Variants in HLCS observed in about 807,000 individuals in gnomAD.
The protein encoded by HLCS is holocarboxylase synthetase, also known as biotin--protein ligase.
HLCS carries 53 observed loss-of-function variants against 75.0 expected under a neutral mutation model. The observed-to-expected ratio is 0.71, with a 90% confidence interval of 0.57 to 0.89. The LOEUF (loss-of-function observed/expected upper bound fraction) is 0.89. HLCS is among the 40% of genes least tolerant of loss of function. The probability of loss-of-function intolerance (pLI) is 0.00; values close to 1 mark genes in which losing one functional copy is unlikely to be tolerated. For synonymous variants in HLCS, 431 were observed against 428.6 expected (o/e 1.01, Z -0.07); for missense variants, 966 against 1,074.0 (o/e 0.90, Z 1.41).
At chr21:36,781,446 T>C (rs1292308549) in intron 6 of HLCS, among the ~76,000 whole-genome samples, 6 of 152,212 alleles carry the variant, frequency 3.9e-5, no homozygotes, top group Admixed American at 2.0e-4. Context: ...CTTGTGTTGA[T>C]TGTGCATATT....
intron 6 of HLCS, among the ~76,000 whole-genome samples, chr21:36,885,742 G>A (rs193061917): frequency 3.4e-4 from 51 of 152,170 alleles, no homozygotes; most frequent in African/African-American, 1.1e-3. Flanking sequence ...CCTGAAGGAG[G>A]GCCCCACATC....
In HLCS at chr21:36,765,044, C is replaced by G; in HGVS notation, c.2089G>C (p.Val697Leu). Residue 697 changes from valine to leucine, a missense_variant, in exon 8 of 11, where the codon GTG (valine) becomes CTG (leucine). Transcript: ENST00000674895. ...TCGGGAATGGACCTCACTGCTTCCA[C>G]GACAGCCACGGACATCAGATGCTGG... ...FVQHLMSVAVVEAVRSIPEYQ... is the reference protein window; with the variant it reads ...FVQHLMSVAVLEAVRSIPEYQ... 6.2e-7 allele frequency: 1 copy of G among 1,614,236 alleles called. No homozygotes were observed. The highest frequency in any genetic ancestry group is 2.2e-5 in the East Asian group (1 of 44,884).
chr21:36,779,086 A>G (rs1601206899), intron 6 of HLCS, among the ~76,000 whole-genome samples: 1 of 152,070 alleles, frequency 6.6e-6, no homozygotes, highest in African/African-American at 2.4e-5. Flanking sequence ...CTTGGTATTC[A>G]TGGAGGATTT....
intron 6 of HLCS, among the ~76,000 whole-genome samples, chr21:36,817,506 T>C (rs1229435243): frequency 6.6e-6 from 1 of 152,138 alleles, no homozygotes; most frequent in Non-Finnish European, 1.5e-5. Context: ...TCTCCAACAC[T>C]CACCTATCCT....
At chr21:36,781,523 TTAAC>T (rs1389831140) in intron 6 of HLCS, among the ~76,000 whole-genome samples, 1 of 152,198 alleles carries the variant, frequency 6.6e-6, no homozygotes, top group Non-Finnish European at 1.5e-5. Flanking sequence ...ATAATTTCCT[TTAAC>T]TAGTTATTGC....
At chr21:36,922,640 A>C (rs1419839479) in intron 5 of HLCS, among the ~76,000 whole-genome samples, 1 of 152,148 alleles carries the variant, frequency 6.6e-6, no homozygotes, top group African/African-American at 2.4e-5. Flanking sequence ...TCCTGCTTTC[A>C]CGAGGAAGCC....
chr21:36,958,029 C>A (rs993034584), intron 2 of HLCS, among the ~76,000 whole-genome samples: 34 of 151,494 alleles, frequency 2.2e-4, no homozygotes, highest in Non-Finnish European at 4.7e-4. Flanking sequence ...AGATCGAAAC[C>A]ATCCTGGCTA....
At chr21:36,832,835 C>G (rs543576996) in intron 6 of HLCS, among the ~76,000 whole-genome samples, 7 of 152,352 alleles carry the variant, frequency 4.6e-5, no homozygotes, top group African/African-American at 1.7e-4. Context: ...CCTCCAAAGG[C>G]AGCCCTCATC....
chr21:36,867,408 A>T (rs955392568), intron 6 of HLCS, among the ~76,000 whole-genome samples: 8 of 152,242 alleles, frequency 5.3e-5, no homozygotes, highest in African/African-American at 1.9e-4. Context: ...CAGCAAACAC[A>T]GATCAAAATC....
chr21:36,817,058 G>T (rs140343501), intron 6 of HLCS, among the ~76,000 whole-genome samples: 110 of 152,292 alleles, frequency 7.2e-4, no homozygotes, highest in African/African-American at 2.5e-3. Flanking sequence ...GCTGCTGCAG[G>T]AACTTTTCAG....
intron 6 of HLCS, among the ~76,000 whole-genome samples, chr21:36,812,230 CTCTA>C (rs1309963626): frequency 4.6e-5 from 7 of 152,352 alleles, no homozygotes; most frequent in African/African-American, 1.7e-4. Flanking sequence ...AATCTTCTCT[CTCTA>C]TCCTTCTCAG....
At chr21:36,859,116 G>A (rs760490005) in intron 6 of HLCS, among the ~76,000 whole-genome samples, 8 of 152,066 alleles carry the variant, frequency 5.3e-5, no homozygotes, top group Non-Finnish European at 7.4e-5. Context: ...TCCACCTCCC[G>A]AGTTCAAGCG....
chr21:36,957,912 G>A (rs933893280), intron 2 of HLCS, among the ~76,000 whole-genome samples: 1 of 137,800 alleles, frequency 7.3e-6, no homozygotes, highest in African/African-American at 2.7e-5. Flanking sequence ...CTGGGCAACT[G>A]AGCAAGACTG....
intron 5 of HLCS, among the ~76,000 whole-genome samples, chr21:36,915,471 C>T (rs1283855565): frequency 2.0e-5 from 3 of 152,146 alleles, no homozygotes; most frequent in Admixed American, 6.5e-5. Flanking sequence ...CACTTGGGAA[C>T]ATTCAGAGAA....
chr21:36,779,316 C>G (rs1471376082), intron 6 of HLCS, among the ~76,000 whole-genome samples: 1 of 151,950 alleles, frequency 6.6e-6, no homozygotes, highest in Non-Finnish European at 1.5e-5. Flanking sequence ...TCCTTCCCTC[C>G]TTCCTTCTTT....
chr21:36,896,894 C>G lies in HLCS; in HGVS notation c.1858G>C (p.Glu620Gln), dbSNP rs766262873. 6.2e-7 allele frequency: 1 copy of G among 1,614,030 alleles called. No homozygotes were observed. The highest frequency in any genetic ancestry group is 1.7e-5 in the Admixed American group (1 of 60,000). The change falls in exon 6 of 11, where the codon GAA becomes CAA. Residue 620 changes from glutamate (E) to glutamine (Q), a missense_variant. Transcript: ENST00000674895. ...AGACGCATCGTTGTGGGGGTCACTT[C>G]GGCAAACAAAATTACTTTCCCCAAC... ...KQLGKVILFA[E>Q]VTPTTMRLLD...
chr21:36,757,274 T>C (rs1157091426), intron 9 of HLCS, among the ~76,000 whole-genome samples: 1 of 152,222 alleles, frequency 6.6e-6, no homozygotes, highest in Non-Finnish European at 1.5e-5. Flanking sequence ...CATCTTTTAA[T>C]ACTTTATTCT....
At chr21:36,873,043 T>C (rs1034877602) in intron 6 of HLCS, among the ~76,000 whole-genome samples, 1 of 152,226 alleles carries the variant, frequency 6.6e-6, no homozygotes, top group Admixed American at 6.5e-5. Flanking sequence ...GGTATCTCAC[T>C]GTGCTTTTAA....
At chr21:36,876,388 A>C (rs1013235981) in intron 6 of HLCS, among the ~76,000 whole-genome samples, 1 of 152,192 alleles carries the variant, frequency 6.6e-6, no homozygotes, top group Non-Finnish European at 1.5e-5. Context: ...TCGTACATCA[A>C]CTTACAGCAA....
Sources: gnomAD v4.1 joint callset for allele counts (sites outside exome capture counted in the v4.1 genomes callset) on GRCh38, gnomAD v4.1.1 for gene constraint, MANE v1.5 for transcripts, NCBI Gene and HGNC (gene_info 2026-07-23, HGNC 2026-07-21) for gene names.